FNDC3B: variants seen among roughly 807,000 people sequenced by gnomAD.
FNDC3B encodes fibronectin type III domain-containing protein 3B.
In FNDC3B, 12 loss-of-function variants were observed where a neutral mutation model predicts 151.5. The observed-to-expected ratio is 0.08, with a 90% CI of 0.05 to 0.13. The LOEUF is 0.13. Among genes scored for constraint, FNDC3B ranks in the 10% least tolerant of loss-of-function variants. FNDC3B has a pLI of 1.00. For synonymous variants in FNDC3B, 528 were observed against 549.0 expected, an observed-to-expected ratio of 0.96 and a Z score of 0.54; for missense variants, 1,214 against 1,505.3, an observed-to-expected ratio of 0.81 and a Z score of 3.20.
intron 1 of FNDC3B, among the ~76,000 whole-genome samples, chr3:172,043,404 T>C (rs1716191178): frequency 1.3e-5 from 2 of 152,168 alleles, no homozygotes; most frequent in African/African-American, 4.8e-5. Context: ...TGCAGCGGCA[T>C]GATCACTGGC....
At chr3:172,316,496 C>G (rs1034751356) in intron 11 of FNDC3B, 1 of 445,970 alleles carries the variant, frequency 2.2e-6, no homozygotes, top group Non-Finnish European at 4.5e-6. Context: ...CTAAACAGAT[C>G]GTGATCTGGC....
chr3:172,342,660 C>T (rs542776664), intron 17 of FNDC3B, among the ~76,000 whole-genome samples: 1 of 152,208 alleles, frequency 6.6e-6, no homozygotes, highest in African/African-American at 2.4e-5. Context: ...ATCCAGCTGT[C>T]GTTTTGTGTT....
At chr3:172,075,532 G>C (rs185774434) in intron 1 of FNDC3B, among the ~76,000 whole-genome samples, 2 of 152,062 alleles carry the variant, frequency 1.3e-5, no homozygotes, top group South Asian at 4.2e-4. Context: ...AAAGCTGAAG[G>C]CTCCTTGGCA....
At chr3:172,147,630 T>C (rs1433105879) in intron 3 of FNDC3B, among the ~76,000 whole-genome samples, 1 of 152,186 alleles carries the variant, frequency 6.6e-6, no homozygotes, top group Non-Finnish European at 1.5e-5. Flanking sequence ...CTGGAGGGCC[T>C]GTTAAAACAC....
intron 2 of FNDC3B, 74 bp downstream of exon 2, chr3:172,112,664 T>G (rs1720036080): frequency 4.7e-6 from 5 of 1,066,616 alleles, no homozygotes; most frequent in Non-Finnish European, 7.3e-6. Context: ...TGATTTATTT[T>G]GGGATTCAAA....
At chr3:172,224,030 G>C (rs191970713) in intron 3 of FNDC3B, among the ~76,000 whole-genome samples, 1 of 152,378 alleles carries the variant, frequency 6.6e-6, no homozygotes, top group East Asian at 1.9e-4. Flanking sequence ...CACGCAACCA[G>C]TGTGAATAGT....
intron 15 of FNDC3B, 191 bp downstream of exon 15, chr3:172,335,273 A>G (rs1325854585): frequency 1.3e-5 from 6 of 470,330 alleles, no homozygotes; most frequent in Admixed American, 4.0e-5. Flanking sequence ...ATTTCATTAA[A>G]ATGTAATCGT....
chr3:172,218,866 AT>A (rs1726130742), intron 3 of FNDC3B, among the ~76,000 whole-genome samples: 1 of 152,124 alleles, frequency 6.6e-6, no homozygotes, highest in Non-Finnish European at 1.5e-5. Context: ...GCCTTCCATC[AT>A]TTTACCTGAG....
chr3:172,312,277 T>C (rs573390951), intron 11 of FNDC3B, among the ~76,000 whole-genome samples: 1 of 152,320 alleles, frequency 6.6e-6, no homozygotes, highest in South Asian at 2.1e-4. Context: ...CTGTTGTTCT[T>C]AGGATCGTTT....
At chr3:172,392,824 A>G (rs1395918585) in intron 25 of FNDC3B, among the ~76,000 whole-genome samples, 2 of 18,748 alleles carry the variant, frequency 1.1e-4, no homozygotes, top group African/African-American at 1.9e-4. Flanking sequence ...TTTTTTTTTC[A>G]GACAGAGAGT....
intron 22 of FNDC3B, among the ~76,000 whole-genome samples, chr3:172,355,901 G>C (rs934464902): frequency 2.6e-5 from 4 of 152,220 alleles, no homozygotes; most frequent in African/African-American, 9.6e-5. Flanking sequence ...GCTCAGAGCA[G>C]ACCAGGACTA....
intron 6 of FNDC3B, among the ~76,000 whole-genome samples, chr3:172,281,171 C>T (rs1318424439): frequency 6.6e-6 from 1 of 151,510 alleles, no homozygotes; most frequent in Non-Finnish European, 1.5e-5. Context: ...AATGCCCCTT[C>T]TCTGTGTGAA....
In FNDC3B at chr3:172,307,363, G is replaced by A. The variant is rs145668769; in HGVS notation, c.1062G>A (p.Arg354=). The change falls in exon 10 of 26, where the codon AGG becomes AGA. Residue 354 remains arginine (R), a splice_region_variant and synonymous_variant. Transcript: ENST00000415807. ...DLRPATDYHV[R]VYAMYNSVKG... is the part of the protein sequence containing the mutation. The stretch of plus-strand genomic sequence containing the variant: ...CTGACTGTGTCTGTTTTGTTTTCAG[G>A]GTGTATGCCATGTACAATTCCGTAA... The A allele has an allele frequency of 4.6e-5, 75 of 1,613,908 alleles. No homozygotes were observed. The highest frequency in any genetic ancestry group is 5.7e-5 in the Non-Finnish European group (67 of 1,179,978).
rs372552009 is a variant in FNDC3B, at chr3:172,153,777, A to G, written c.187+20231A>G. On this transcript the variant is annotated intron_variant, in intron 3 of 25. Coordinates refer to ENST00000415807, the MANE Select transcript of FNDC3B (RefSeq NM_022763.4). Reference sequence around the variant, plus strand: ...GGGTAAGCCCCAGTCTGTCTCAAACATCTGAGAGGATGCTTTGAGGAGGCC... The same window carrying G: ...GGGTAAGCCCCAGTCTGTCTCAAACGTCTGAGAGGATGCTTTGAGGAGGCC... 3.8e-4 allele frequency among the ~76,000 whole-genome samples: 58 copies of G among 152,344 alleles called. No homozygotes were observed. The East Asian group carries it at 0.011, about 28-fold the overall frequency.
At chr3:172,344,009 CT>C in intron 18 of FNDC3B, 76 bp from the exon 19 acceptor site, 11 of 1,399,514 alleles carry the variant, frequency 7.9e-6, no homozygotes, top group Non-Finnish European at 9.8e-6. Flanking sequence ...TTTTGCTCAA[CT>C]TGTGTGAAAT....
At chr3:172,054,871 A>G in intron 1 of FNDC3B, among the ~76,000 whole-genome samples, 1 of 152,208 alleles carries the variant, frequency 6.6e-6, no homozygotes, top group Non-Finnish European at 1.5e-5. Context: ...AGATTACCAT[A>G]GCACTCAACT....
intron 25 of FNDC3B, 67 bp from the exon 26 acceptor site, chr3:172,397,097 C>G: frequency 7.6e-7 from 1 of 1,312,160 alleles, no homozygotes; most frequent in Non-Finnish European, 1.1e-6. Context: ...TGAATCTAAA[C>G]CAAGATTCTT....
intron 11 of FNDC3B, among the ~76,000 whole-genome samples, chr3:172,311,532 T>C: frequency 6.6e-6 from 1 of 151,976 alleles, no homozygotes; most frequent in East Asian, 1.9e-4. Context: ...ACACAGAATC[T>C]CAGGCAGGAA....
intron 19 of FNDC3B, among the ~76,000 whole-genome samples, chr3:172,344,701 T>G (rs1390058623): frequency 6.6e-6 from 1 of 152,226 alleles, no homozygotes; most frequent in Non-Finnish European, 1.5e-5. Context: ...CACCAGCTTG[T>G]TTTTGTTTTG....
Sources: gnomAD v4.1 joint callset for allele counts (sites outside exome capture counted in the v4.1 genomes callset) on GRCh38, gnomAD v4.1.1 for gene constraint, MANE v1.5 for transcripts, NCBI Gene and HGNC (gene_info 2026-07-23, HGNC 2026-07-21) for gene names.